The following CRYBG1 variants were observed in gnomAD, a reference collection of about 807,000 sequenced individuals.
CRYBG1 encodes the protein beta/gamma crystallin domain-containing protein 1.
Under a neutral mutation model 189.2 loss-of-function variants are expected in CRYBG1, and 139 were observed. The ratio of observed to expected loss-of-function variants is 0.73; its 90% CI spans 0.64 to 0.85. The LOEUF (loss-of-function observed/expected upper bound fraction) is 0.85. CRYBG1 is among the 40% of genes least tolerant of loss of function. The probability of loss-of-function intolerance (pLI) is 0.00; values close to 1 mark genes in which losing one functional copy is unlikely to be tolerated. For synonymous variants in CRYBG1, 1,023 were observed against 1,017.1 expected (o/e 1.01, Z -0.11); for missense variants, 2,611 against 2,675.8 (o/e 0.98, Z 0.53).
At chr6:106,479,824 GAT>G (rs1355887295) in intron 2 of CRYBG1, among the ~76,000 whole-genome samples, 1 of 152,170 alleles carries the variant, frequency 6.6e-6, no homozygotes, top group Non-Finnish European at 1.5e-5. Flanking sequence ...ACCCCTATCA[GAT>G]ATATGATTTG....
intron 1 of CRYBG1, among the ~76,000 whole-genome samples, chr6:106,419,838 A>G (rs2066199): frequency 0.67 from 101,274 of 152,106 alleles, 33,933 homozygotes; most frequent in South Asian, 0.78. Flanking sequence ...ATCTGAGCAG[A>G]CAAATATAAC....
At chr6:106,454,336 C>G (rs892017073) in intron 2 of CRYBG1, among the ~76,000 whole-genome samples, 3 of 152,138 alleles carry the variant, frequency 2.0e-5, no homozygotes, top group Non-Finnish European at 4.4e-5. Context: ...ACCATTAGCT[C>G]AGAAGTGCAA....
At chr6:106,399,660 T>TA (rs1301079199) in intron 1 of CRYBG1, among the ~76,000 whole-genome samples, 1 of 145,076 alleles carries the variant, frequency 6.9e-6, no homozygotes, top group Non-Finnish European at 1.5e-5. Context: ...TTTTCTTTCT[T>TA]TTTTTTTTTT....
chr6:106,407,777 G>A (rs1289008683), intron 1 of CRYBG1, among the ~76,000 whole-genome samples: 1 of 151,992 alleles, frequency 6.6e-6, no homozygotes, highest in Non-Finnish European at 1.5e-5. Flanking sequence ...ATGACTACTG[G>A]GTAAATAATG....
chr6:106,372,813 C>T (rs1306067631), intron 1 of CRYBG1, among the ~76,000 whole-genome samples: 2 of 152,200 alleles, frequency 1.3e-5, no homozygotes, highest in Admixed American at 1.3e-4. Flanking sequence ...GTATCTCATT[C>T]AGTCTTCATA....
intron 16 of CRYBG1, among the ~76,000 whole-genome samples, chr6:106,554,785 G>A (rs1292918931): frequency 6.6e-6 from 1 of 152,122 alleles, no homozygotes; most frequent in Non-Finnish European, 1.5e-5. Context: ...AACTTCAGGA[G>A]AGCAGGGACT....
intron 21 of CRYBG1, among the ~76,000 whole-genome samples, chr6:106,566,462 G>GTTTTTTT (rs1312190668): frequency 1.1e-5 from 1 of 90,974 alleles, no homozygotes; most frequent in African/African-American, 4.6e-5. Flanking sequence ...AGCAACAACA[G>GTTTTTTT]TCTTTTTTTT....
rs1208104708 is a variant in CRYBG1 at position 106,570,457 on chromosome 6, G to A, written c.*1891G>A. On this transcript the variant is annotated 3_prime_UTR_variant, in exon 22 of 22. Transcript: ENST00000633556. ...CTTGCTTCTGGTTAACTATGTTGAT[G>A]AAATCTGAGAGTCCATTCAGTAGCC... is the stretch of plus-strand genomic sequence containing the variant. 7 of 152,202 alleles carry A rather than the reference G, an allele frequency of 4.6e-5. No individual in the cohort carries two copies. The highest frequency in any genetic ancestry group is 1.7e-4 in the African/African-American group (7 of 41,442). 9.4% of individuals were successfully genotyped at this position (152,202 alleles called of 1,614,324 possible). A position where few individuals can be genotyped will look rare whatever the true frequency, so the allele number is the denominator to read the frequency against.
intron 1 of CRYBG1, among the ~76,000 whole-genome samples, chr6:106,399,941 A>G (rs1770690271): frequency 1.3e-5 from 2 of 151,538 alleles, no homozygotes. Context: ...GTTTGAGACC[A>G]GCCTGACCAA....
At chr6:106,377,256 C>G (rs1414387500) in intron 1 of CRYBG1, among the ~76,000 whole-genome samples, 1 of 151,988 alleles carries the variant, frequency 6.6e-6, no homozygotes, top group African/African-American at 2.4e-5. Flanking sequence ...TGTGTTGCTC[C>G]CTTGTAGAAA....
chr6:106,467,676 A>G (rs546450477), intron 2 of CRYBG1, among the ~76,000 whole-genome samples: 1 of 150,170 alleles, frequency 6.7e-6, no homozygotes, highest in African/African-American at 2.4e-5. Context: ...CATAAGAACA[A>G]ATTAGAAAGA....
At chr6:106,471,682 T>C (rs1306859281) in intron 2 of CRYBG1, among the ~76,000 whole-genome samples, 2 of 152,044 alleles carry the variant, frequency 1.3e-5, no homozygotes, top group African/African-American at 2.4e-5. Flanking sequence ...GTGTGGGTCA[T>C]CCTGGAAGTG....
intron 1 of CRYBG1, among the ~76,000 whole-genome samples, chr6:106,437,769 G>T (rs927017): frequency 0.86 from 130,289 of 152,218 alleles, 55,896 homozygotes; most frequent in East Asian, 0.94. Flanking sequence ...GCTTTTAATC[G>T]TAGGAAGTTG....
chr6:106,365,102 G>T lies in CRYBG1; in HGVS notation c.173+4021G>T, dbSNP rs576872578. Among the ~76,000 whole-genome samples the T allele has an allele frequency of 7.2e-5, 11 of 151,970 alleles. No homozygotes were observed. In the East Asian group the frequency reaches 1.4e-3, roughly 19 times the overall value. ...ATTCAAGCCACTTTGTGTTATTTTG[G>T]TTTTTTTAAATATTAAAAATAGTAA... On this transcript the variant is annotated intron_variant, in intron 1 of 21. Coordinates refer to ENST00000633556, the MANE Select transcript of CRYBG1 (RefSeq NM_001371242.2).
At chr6:106,430,297 G>T (rs979059820) in intron 1 of CRYBG1, among the ~76,000 whole-genome samples, 2 of 152,156 alleles carry the variant, frequency 1.3e-5, no homozygotes, top group Admixed American at 6.5e-5. Context: ...GCTGGATGCA[G>T]TGGCTCACGC....
At position 106,481,123 on chromosome 6, in the gene CRYBG1, G is replaced by C. The variant is rs1435430551; in HGVS notation, c.312+29291G>C. On this transcript the variant is annotated intron_variant, in intron 2 of 21. Coordinates refer to ENST00000633556, the MANE Select transcript of CRYBG1 (RefSeq NM_001371242.2). ...CAAGTAGCTGGGACTACAGGCGCCC[G>C]CCACCACGCCCGGCTAATTTTTTTG... 2.9e-5 allele frequency among the ~76,000 whole-genome samples: 3 copies of C among 104,408 alleles called. 1 individual carries two copies. The highest frequency in any genetic ancestry group is 1.2e-4 in the African/African-American group (3 of 24,602). 68.5% of individuals were successfully genotyped at this position (104,408 alleles called of 152,430 possible). A position where few individuals can be genotyped will look rare whatever the true frequency, so the allele number is the denominator to read the frequency against.
intron 1 of CRYBG1, among the ~76,000 whole-genome samples, chr6:106,447,546 A>G (rs1014710481): frequency 2.4e-5 from 1 of 41,212 alleles, no homozygotes; most frequent in African/African-American, 5.0e-5. Context: ...TGTACCTCAT[A>G]AATATATATA....
intron 21 of CRYBG1, among the ~76,000 whole-genome samples, chr6:106,567,875 T>G (rs1178062464): frequency 6.8e-6 from 1 of 147,600 alleles, no homozygotes; most frequent in Non-Finnish European, 1.5e-5. Flanking sequence ...TCCTAAATGC[T>G]ATGAAATTTT....
intron 2 of CRYBG1, among the ~76,000 whole-genome samples, chr6:106,502,616 G>A (rs1408899566): frequency 1.3e-5 from 2 of 152,222 alleles, no homozygotes; most frequent in African/African-American, 4.8e-5. Context: ...AGCTTTGTGA[G>A]AAAAAGAGAA....
Sources: gnomAD v4.1 joint callset for allele counts (sites outside exome capture counted in the v4.1 genomes callset) on GRCh38, gnomAD v4.1.1 for gene constraint, MANE v1.5 for transcripts, NCBI Gene and HGNC (gene_info 2026-07-23, HGNC 2026-07-21) for gene names.